The following LY9 variants were observed in gnomAD, a reference collection of about 807,000 sequenced individuals.
The protein encoded by LY9 is lymphocyte antigen 9.
A neutral mutation model predicts 64.6 loss-of-function variants in LY9; 59 were observed. The ratio of observed to expected loss-of-function variants is 0.91; its 90% confidence interval spans 0.74 to 1.13. The LOEUF (loss-of-function observed/expected upper bound fraction) is 1.13, where lower values mean the gene tolerates loss of function less well. LY9 is among the 50% of genes most tolerant of loss of function. LY9 has a pLI of 0.00. For missense variants in LY9, 789 were observed against 797.2 expected (o/e 0.99, Z 0.12); for synonymous variants, 281 against 308.5 (o/e 0.91, Z 0.93).
At chr1:160,796,647 A>C (rs1665898869) in intron 1 of LY9, among the ~76,000 whole-genome samples, 1 of 152,080 alleles carries the variant, frequency 6.6e-6, no homozygotes, top group Admixed American at 6.6e-5. Context: ...CAGCTCAGCC[A>C]CCTGAAGTGC....
At chr1:160,818,891 G>A (rs1668160652) in intron 6 of LY9, among the ~76,000 whole-genome samples, 1 of 152,208 alleles carries the variant, frequency 6.6e-6, no homozygotes, top group Admixed American at 6.5e-5. Flanking sequence ...TCATGTGGCT[G>A]CTGCTTGGAC....
At chr1:160,816,431 T>C (rs1342354915) in intron 4 of LY9, among the ~76,000 whole-genome samples, 163 bp from the exon 5 acceptor site, 1 of 152,178 alleles carries the variant, frequency 6.6e-6, no homozygotes, top group Admixed American at 6.5e-5. Context: ...TCACAAGTAG[T>C]GAGGAAAATG....
chr1:160,802,216 T>C (rs1666563749), intron 2 of LY9: 1 of 1,126,894 alleles, frequency 8.9e-7, no homozygotes, highest in Non-Finnish European at 1.1e-6. Flanking sequence ...TCCGCTTGGA[T>C]TTGCTTATTT....
At chr1:160,818,809 G>A (rs1668154796) in intron 6 of LY9, among the ~76,000 whole-genome samples, 1 of 152,164 alleles carries the variant, frequency 6.6e-6, no homozygotes, top group African/African-American at 2.4e-5. Context: ...ACCAGACAGG[G>A]AAGAAAATGT....
Position 160,823,713 on chromosome 1 carries a change from T to C in LY9, c.1747T>C (p.Tyr583His). The C allele has an allele frequency of 6.2e-7, 1 of 1,614,166 alleles. No homozygotes were observed. Among genetic ancestry groups the C allele is most frequent in the Non-Finnish European group, 8.5e-7 (1 of 1,180,026 alleles). The change falls in exon 8 of 10, where the codon TAT (tyrosine) becomes CAT (histidine). Residue 583 changes from tyrosine to histidine, a missense_variant. By Grantham distance (83) the Tyr-to-His change is moderately conservative (BLOSUM62 2). Coordinates refer to ENST00000263285, the MANE Select transcript of LY9 (RefSeq NM_002348.4). ...HDPAPEGQAD[Y>H]DPVTPYVTEV... ...CCCAGCCCCTGAGGGCCAAGCAGAC[T>C]ATGATCCCGTCACTCCATATGTCAC...
intron 2 of LY9, chr1:160,802,289 C>T (rs996751648): frequency 1.0e-6 from 1 of 1,003,640 alleles, no homozygotes; most frequent in Non-Finnish European, 1.2e-6. Context: ...GGGCAGCATG[C>T]GGGTCCCGCA....
intron 9 of LY9, 81 bp downstream of exon 9, chr1:160,824,330 A>G (rs970869126): frequency 6.3e-7 from 1 of 1,584,406 alleles, no homozygotes; most frequent in Admixed American, 1.8e-5. Context: ...TGAAAATCCG[A>G]GATTCCCATG....
At position 160,814,677 on chromosome 1, in the gene LY9, G is replaced by A; in HGVS notation, c.988G>A (p.Glu330Lys). The A allele has an allele frequency of 6.2e-7, 1 of 1,614,192 alleles. No homozygotes were observed. The highest frequency in any genetic ancestry group is 1.3e-5 in the African/African-American group (1 of 75,048). ...CSLKISQLKI[E>K]DAGPYHAYVC... is the part of the protein sequence containing the mutation. ...CCTGAAGATCAGCCAGCTGAAGATA[G>A]AGGACGCCGGCCCCTACCATGCCTA... is the stretch of plus-strand genomic sequence containing the variant. Residue 330 changes from glutamate to lysine, a missense_variant, in exon 4 of 10, where the codon GAG becomes AAG. Glu to Lys is a moderately conservative substitution (Grantham distance 56). Transcript: ENST00000263285.
chr1:160,797,393 C>CAGACTGGACCT, intron 1 of LY9: 1 of 492,144 alleles, frequency 2.0e-6, no homozygotes, highest in Non-Finnish European at 2.6e-6. Flanking sequence ...GAGCTGAGGT[C>CAGACTGGACCT]CAGTCTGACC....
intron 9 of LY9, 84 bp from the exon 10 acceptor site, chr1:160,827,664 G>A: frequency 9.3e-7 from 1 of 1,073,400 alleles, no homozygotes; most frequent in Non-Finnish European, 1.4e-6. Context: ...ACCAGTCATA[G>A]CCTGGCCTTG....
intron 2 of LY9, among the ~76,000 whole-genome samples, chr1:160,801,163 T>C (rs541958872): frequency 1.3e-5 from 2 of 152,220 alleles, no homozygotes; most frequent in Non-Finnish European, 2.9e-5. Flanking sequence ...ATAGTGGCTG[T>C]ACTGGTTTCC....
rs148656087 is a variant in LY9 at position 160,816,634 on chromosome 1, C to T, written c.1113C>T (p.His371=). The change falls in exon 5 of 10, where the codon CAC becomes CAT. Residue 371 remains histidine (H), a synonymous_variant. Coordinates refer to ENST00000263285, the MANE Select transcript of LY9 (RefSeq NM_002348.4). ...CCAAAATCACGTGGAGCCTCAGGCA[C>T]AGTGAGGATGGCATCTGCAGGATCA... The part of the protein sequence containing the change: ...RKPKITWSLR[H]SEDGICRISL... 5.1e-5 allele frequency: 83 copies of T among 1,613,188 alleles called. No individual in the cohort carries two copies. The African/African-American group carries it at 8.9e-4, about 17-fold the overall frequency.
At chr1:160,819,436 G>A in intron 7 of LY9, 62 bp downstream of exon 7, 1 of 1,427,976 alleles carries the variant, frequency 7.0e-7, no homozygotes, top group South Asian at 1.1e-5. Flanking sequence ...CTAAAGTCTT[G>A]CTGCTCAAAG....
chr1:160,814,892 T>C (rs1245755590), intron 4 of LY9, 131 bp downstream of exon 4: 2 of 708,528 alleles, frequency 2.8e-6, no homozygotes, highest in Non-Finnish European at 4.7e-6. Flanking sequence ...CTAGGACAGC[T>C]GTTCAGTTCA....
intron 2 of LY9, chr1:160,802,744 C>T (rs1462478812): frequency 1.1e-6 from 1 of 869,822 alleles, no homozygotes. Context: ...TCTTTTCTCC[C>T]CAGTGTAAGT....
Position 160,819,369 on chromosome 1 carries a change from C to T in LY9, c.1493C>T (p.Thr498Ile), listed in dbSNP as rs761959201. 1.9e-5 allele frequency: 31 copies of T among 1,612,858 alleles called. No individual in the cohort carries two copies. The Admixed American group carries it at 5.0e-4, about 26-fold the overall frequency. Residue 498 changes from threonine (T) to isoleucine (I), a missense_variant, in exon 7 of 10, where the codon ACA (threonine) becomes ATA (isoleucine). By Grantham distance (89) the Thr-to-Ile change is moderately conservative. Transcript: ENST00000263285. Reference sequence around the variant, plus strand: ...AGCCAAGCTGAGGCCCCAGCGGATACACCAGGTAACATCACCCATGACACA... The same window carrying T: ...AGCCAAGCTGAGGCCCCAGCGGATATACCAGGTAACATCACCCATGACACA... ...CSSQAEAPAD[T>I]PEPTAGHTLY...
intron 9 of LY9, among the ~76,000 whole-genome samples, chr1:160,826,771 G>A (rs1054593913): frequency 3.3e-5 from 5 of 152,188 alleles, no homozygotes; most frequent in African/African-American, 2.4e-5. Flanking sequence ...CTGACTTCTA[G>A]ACAGTAGTCT....
intron 2 of LY9, among the ~76,000 whole-genome samples, chr1:160,805,753 A>T (rs866009811): frequency 0.034 from 4,821 of 140,450 alleles, 255 homozygotes; most frequent in African/African-American, 0.13. Context: ...ACACACACAC[A>T]CACACACACA....
In LY9 at chr1:160,813,163, G is replaced by C. The variant is rs1667652371; in HGVS notation, c.455-473G>C. ...GCAGTGGAGATGGAACAAAAGGAAA[G>C]GAGAAGACAAGGAAGAAGATCTAGA... On this transcript the variant is annotated intron_variant, in intron 2 of 9. Coordinates refer to ENST00000263285, the MANE Select transcript of LY9 (RefSeq NM_002348.4). 6 of 177,844 alleles carry C rather than the reference G, an allele frequency of 3.4e-5. No individual in the cohort carries two copies. In the South Asian group the frequency reaches 6.1e-4, roughly 18 times the overall value. 11.0% of individuals were successfully genotyped at this position (177,844 alleles called of 1,614,324 possible).
Sources: gnomAD v4.1 joint callset for allele counts (sites outside exome capture counted in the v4.1 genomes callset) on GRCh38, gnomAD v4.1.1 for gene constraint, MANE v1.5 for transcripts, NCBI Gene and HGNC (gene_info 2026-07-23, HGNC 2026-07-21) for gene names.